The following SOSTDC1 variants were observed in gnomAD, a reference collection of about 807,000 sequenced individuals.
SOSTDC1 encodes the protein sclerostin domain-containing protein 1.
SOSTDC1 carries 7 observed loss-of-function variants against 15.1 expected under a neutral mutation model. That is an observed-to-expected ratio of 0.46 (90% CI 0.26 to 0.87). SOSTDC1 has a LOEUF of 0.87. Among genes scored for constraint, SOSTDC1 ranks in the 40% least tolerant of loss-of-function variants. The pLI is 0.15. For synonymous variants in SOSTDC1, 94 were observed against 93.2 expected, an observed-to-expected ratio of 1.01 and a Z score of -0.05; for missense variants, 242 against 259.2, an observed-to-expected ratio of 0.93 and a Z score of 0.46.
chr7:16,464,209 TATAGAC>T (rs1440997934), intron 1 of SOSTDC1: 6 of 816,224 alleles, frequency 7.4e-6, no homozygotes, highest in Non-Finnish European at 1.2e-5. Flanking sequence ...AACTTATGTA[TATAGAC>T]ATGCATGCAT....
At chr7:16,465,103 T>G (rs1173958430) in intron 1 of SOSTDC1, among the ~76,000 whole-genome samples, 1 of 152,176 alleles carries the variant, frequency 6.6e-6, no homozygotes, top group Non-Finnish European at 1.5e-5. Flanking sequence ...AAATTGCATA[T>G]GCCCTGAAAT....
At position 16,462,455 on chromosome 7, in the gene SOSTDC1, T is replaced by C. The variant is rs1781225083; in HGVS notation, c.*93A>G. On this transcript the variant is annotated 3_prime_UTR_variant, in exon 2 of 2. Transcript: ENST00000307068. Reference sequence around the variant, plus strand: ...AAAGCAGAAAGCATATACTTTCAAGTGAGAAAACAGCAGTGGCAGGCTTGA... The same window carrying C: ...AAAGCAGAAAGCATATACTTTCAAGCGAGAAAACAGCAGTGGCAGGCTTGA... The C allele has an allele frequency of 7.5e-7, 1 of 1,333,636 alleles. No homozygotes were observed. The highest frequency in any genetic ancestry group is 1.3e-5 in the South Asian group (1 of 75,390). The allele number at this position is 1,333,636 out of a possible 1,614,324, so 82.6% of individuals were successfully genotyped here.
chr7:16,462,980 A>G lies in SOSTDC1; in HGVS notation c.206-17T>C, dbSNP rs746660582. ...GAACCCGAGCTGCAGGAAACAAAAA[A>G]GAATGTGCATCAGAGAAAAAATGCA... On this transcript the variant is annotated splice_polypyrimidine_tract_variant and intron_variant, in intron 1 of 1. Coordinates refer to ENST00000307068, the MANE Select transcript of SOSTDC1 (RefSeq NM_015464.3). 1.5e-5 allele frequency: 23 copies of G among 1,523,198 alleles called. No homozygotes were observed. Among genetic ancestry groups the G allele is most frequent in the Non-Finnish European group, 1.8e-6 (2 of 1,133,524 alleles). The allele number at this position is 1,523,198 out of a possible 1,614,324, so 94.4% of individuals were successfully genotyped here. A position where few individuals can be genotyped will look rare whatever the true frequency, so the allele number is the denominator to read the frequency against.
chr7:16,464,186 A>G (rs953765096), intron 1 of SOSTDC1: 1 of 699,976 alleles, frequency 1.4e-6, no homozygotes, highest in African/African-American at 1.8e-5. Context: ...GGGGAACGTG[A>G]TAGTTGTGGA....
chr7:16,465,433 A>G, intron 1 of SOSTDC1, 31 bp downstream of exon 1: 1 of 1,591,296 alleles, frequency 6.3e-7, no homozygotes. Flanking sequence ...AGAAAAGAAA[A>G]AAAAAAACTG....
chr7:16,461,633 A>G lies in SOSTDC1; in HGVS notation c.*915T>C, dbSNP rs1781212643. 1 of 152,578 alleles carries G rather than the reference A, an allele frequency of 6.6e-6. No homozygotes were observed. Among genetic ancestry groups the G allele is most frequent in the Admixed American group, 6.5e-5 (1 of 15,286 alleles). The allele number at this position is 152,578 out of a possible 1,614,324, so 9.5% of individuals were successfully genotyped here. ...GATTGCACAGATTAAACAAGAAAGT[A>G]TTACTTATTTCAACTTTACAAAGCA... is the stretch of plus-strand genomic sequence containing the variant. On this transcript the variant is annotated 3_prime_UTR_variant, in exon 2 of 2. Coordinates refer to ENST00000307068, the MANE Select transcript of SOSTDC1 (RefSeq NM_015464.3).
In SOSTDC1 at chr7:16,462,804, T is replaced by C; in HGVS notation, c.365A>G (p.Tyr122Cys). 1 of 1,614,186 alleles carries C rather than the reference T, an allele frequency of 6.2e-7. No homozygotes were observed. Among genetic ancestry groups the C allele is most frequent in the Non-Finnish European group, 8.5e-7 (1 of 1,180,038 alleles). The change falls in exon 2 of 2, where the codon TAC becomes TGC. Residue 122 changes from tyrosine to cysteine, a missense_variant. Physicochemically the swap from Tyr to Cys is radical, Grantham distance 194. Transcript: ENST00000307068. ...CTCCTGGGAGCTCCTCCTGCTCCAG[T>C]ACTTTGTTCCATAGCCTCCTCCAAT... ...NWIGGGYGTK[Y>C]WSRRSSQEWR... is the part of the protein sequence containing the mutation.
At chr7:16,463,077 A>T (rs1345671127) in intron 1 of SOSTDC1, 114 bp from the exon 2 acceptor site, 1 of 1,010,480 alleles carries the variant, frequency 9.9e-7, no homozygotes, top group Non-Finnish European at 1.4e-6. Context: ...TGCCAAATAG[A>T]AAGTGAGCAC....
Position 16,462,789 on chromosome 7 carries a change from C to G in SOSTDC1, c.380G>C (p.Ser127Thr). 6.2e-7 allele frequency: 1 copy of G among 1,614,212 alleles called. No individual in the cohort carries two copies. Among genetic ancestry groups the G allele is most frequent in the Middle Eastern group, 1.7e-4 (1 of 6,060 alleles). ...ATTGACACACCGCCACTCCTGGGAGCTCCTCCTGCTCCAGTACTTTGTTCC... is the reference window on the plus strand; with the variant it reads ...ATTGACACACCGCCACTCCTGGGAGGTCCTCCTGCTCCAGTACTTTGTTCC... Reference protein sequence around the residue: ...GYGTKYWSRRSSQEWRCVNDK... With the variant: ...GYGTKYWSRRTSQEWRCVNDK... The change falls in exon 2 of 2, where the codon AGC becomes ACC. Residue 127 changes from serine (S) to threonine (T), a missense_variant. Ser to Thr is a moderately conservative substitution (Grantham distance 58, BLOSUM62 1). Transcript: ENST00000307068.
intron 1 of SOSTDC1, among the ~76,000 whole-genome samples, chr7:16,464,030 CT>C (rs1221177496): frequency 6.6e-6 from 1 of 151,796 alleles, no homozygotes; most frequent in African/African-American, 2.4e-5. Flanking sequence ...AAAGTACAGG[CT>C]GCTGACATTT....
Position 16,462,710 on chromosome 7 carries a change from G to T in SOSTDC1, c.459C>A (p.Arg153=), listed in dbSNP as rs778093572. 16 of 1,614,202 alleles carry T rather than the reference G, an allele frequency of 9.9e-6. No individual in the cohort carries two copies. ...CAGTGACTACTGTGATTTTGTAGGT[G>T]CGTGTGCTGCCATCTTGGCACTGCA... ...IQLQCQDGST[R]TYKITVVTAC... The change falls in exon 2 of 2, where the codon CGC becomes CGA. Residue 153 remains arginine, a synonymous_variant. Transcript: ENST00000307068.
chr7:16,464,220 A>C, intron 1 of SOSTDC1: 1 of 890,522 alleles, frequency 1.1e-6, no homozygotes, highest in Non-Finnish European at 1.8e-6. Context: ...ATAGACATGC[A>C]TGCATAGAAA....
rs1016899861 is a variant in SOSTDC1, at chr7:16,461,869, C to T, written c.*679G>A. The T allele has an allele frequency of 1.3e-5, 2 of 152,548 alleles. No homozygotes were observed. The highest frequency in any genetic ancestry group is 1.3e-4 in the Admixed American group (2 of 15,266). 9.4% of individuals were successfully genotyped at this position (152,548 alleles called of 1,614,324 possible). A position where few individuals can be genotyped will look rare whatever the true frequency, so the allele number is the denominator to read the frequency against. On this transcript the variant is annotated 3_prime_UTR_variant, in exon 2 of 2. Coordinates refer to ENST00000307068, the MANE Select transcript of SOSTDC1 (RefSeq NM_015464.3). ...TTGAAACAAATCACATGTGAAAGCT[C>T]ATTAAATAATAACATTGACAAATAA...
At position 16,462,780 on chromosome 7, in the gene SOSTDC1, T is replaced by C. The variant is rs1781233330; in HGVS notation, c.389A>G (p.Glu130Gly). The C allele has an allele frequency of 6.2e-7, 1 of 1,614,208 alleles. No individual in the cohort carries two copies. The highest frequency in any genetic ancestry group is 2.2e-5 in the East Asian group (1 of 44,882). ...GGTTTTGTCATTGACACACCGCCAC[T>C]CCTGGGAGCTCCTCCTGCTCCAGTA... ...TKYWSRRSSQ[E>G]WRCVNDKTRT... The change falls in exon 2 of 2, where the codon GAG becomes GGG. Residue 130 changes from glutamate (E) to glycine (G), a missense_variant. Transcript: ENST00000307068.
intron 1 of SOSTDC1, chr7:16,464,527 C>T: frequency 1.6e-6 from 1 of 636,208 alleles, no homozygotes; most frequent in Admixed American, 2.3e-5. Flanking sequence ...TTAAAACATC[C>T]TAGCTTTCTT....
chr7:16,462,581 T>G lies in SOSTDC1; in HGVS notation c.588A>C (p.Arg196Ser). The change falls in exon 2 of 2, where the codon AGA (arginine) becomes AGC (serine). Residue 196 changes from arginine (R) to serine (S), a missense_variant. Physicochemically the swap from Arg to Ser is moderately radical, Grantham distance 110 (BLOSUM62 -1). Transcript: ENST00000307068. ...TGCTGTGCTTGCTGGATTTGCTGGCTCTTTTCCGCTCTCTGTGATGCTGGA... is the reference window on the plus strand; with the variant it reads ...TGCTGTGCTTGCTGGATTTGCTGGCGCTTTTCCGCTCTCTGTGATGCTGGA... ...KPVQHHRERK[R>S]ASKSSKHSMS 1 of 1,614,218 alleles carries G rather than the reference T, an allele frequency of 6.2e-7. No individual in the cohort carries two copies. The highest frequency in any genetic ancestry group is 8.5e-7 in the Non-Finnish European group (1 of 1,180,026).
rs985973352 is a variant in SOSTDC1 at position 16,462,276 on chromosome 7, T to C, written c.*272A>G. 1 of 392,294 alleles carries C rather than the reference T, an allele frequency of 2.5e-6. No homozygotes were observed. Among genetic ancestry groups the C allele is most frequent in the Non-Finnish European group, 4.6e-6 (1 of 216,556 alleles). The allele number at this position is 392,294 out of a possible 1,614,324, so 24.3% of individuals were successfully genotyped here. ...TCACTGATGTTTATAGTATCAACAG[T>C]CTTTTAAGAACAATGAGGAATTAAA... On this transcript the variant is annotated 3_prime_UTR_variant, in exon 2 of 2. Transcript: ENST00000307068.
At position 16,462,521 on chromosome 7, in the gene SOSTDC1, G is replaced by T; in HGVS notation, c.*27C>A. On this transcript the variant is annotated 3_prime_UTR_variant, in exon 2 of 2. Coordinates refer to ENST00000307068, the MANE Select transcript of SOSTDC1 (RefSeq NM_015464.3). ...AAATCTGTAAAGCAGATGGTTACTA[G>T]TAAGTCTAGTTATGGGAGTCTGAGT... The T allele has an allele frequency of 6.2e-7, 1 of 1,605,644 alleles. No homozygotes were observed. Among genetic ancestry groups the T allele is most frequent in the Middle Eastern group, 1.7e-4 (1 of 6,020 alleles).
intron 1 of SOSTDC1, chr7:16,464,505 G>C: frequency 1.5e-6 from 1 of 683,884 alleles, no homozygotes; most frequent in Non-Finnish European, 2.5e-6. Context: ...AAAGCAACCA[G>C]CTTCGTGAAA....
Sources: gnomAD v4.1 joint callset for allele counts (sites outside exome capture counted in the v4.1 genomes callset) on GRCh38, gnomAD v4.1.1 for gene constraint, MANE v1.5 for transcripts, NCBI Gene and HGNC (gene_info 2026-07-23, HGNC 2026-07-21) for gene names.